Variants in CLN6 observed in about 807,000 individuals in gnomAD.
The protein encoded by CLN6 is ceroid-lipofuscinosis neuronal protein 6.
A neutral mutation model predicts 33.3 loss-of-function variants in CLN6; 22 were observed. That is an observed-to-expected ratio of 0.66 (90% CI 0.47 to 0.94). CLN6 has a LOEUF of 0.94. CLN6 is among the 40% of genes least tolerant of loss of function. The pLI, the probability that CLN6 is intolerant of heterozygous loss-of-function variation, is 0.00. For synonymous variants in CLN6, 201 were observed against 174.6 expected (o/e 1.15, Z -1.19); for missense variants, 387 against 417.1 (o/e 0.93, Z 0.63).
At chr15:68,238,687 G>A (rs1892251132) in intron 1 of CLN6, among the ~76,000 whole-genome samples, 1 of 152,242 alleles carries the variant, frequency 6.6e-6, no homozygotes, top group South Asian at 2.1e-4. Context: ...GAATAAAACC[G>A]AGAGATTTTA....
In CLN6 at chr15:68,207,403, AG is replaced by A. The variant is rs1021792622; in HGVS notation, c.*736del. The A allele has an allele frequency of 6.5e-6, 1 of 153,166 alleles. No individual in the cohort carries two copies. The highest frequency in any genetic ancestry group is 2.4e-5 in the African/African-American group (1 of 41,468). The allele number at this position is 153,166 out of a possible 1,614,324, so 9.5% of individuals were successfully genotyped here. ...GGGTCACCTGCAAAGCTGGAATGCCAGGGGAGTGGGCGGTGCCTCCAGCTCC... is the reference window on the plus strand; with the variant it reads ...GGGTCACCTGCAAAGCTGGAATGCCAGGGAGTGGGCGGTGCCTCCAGCTCC... On this transcript the variant is annotated 3_prime_UTR_variant, in exon 7 of 7. Coordinates refer to ENST00000249806, the MANE Select transcript of CLN6 (RefSeq NM_017882.3).
chr15:68,249,233 T>C (rs1428703644), intron 1 of CLN6, among the ~76,000 whole-genome samples: 1 of 152,144 alleles, frequency 6.6e-6, no homozygotes. Flanking sequence ...GGAATGTAAA[T>C]TACCACAGCT....
In CLN6 at chr15:68,242,093, A is replaced by T. The variant is rs1049099895; in HGVS notation, c.179+14597T>A. Among the ~76,000 whole-genome samples the T allele has an allele frequency of 6.6e-6, 1 of 152,224 alleles. No individual in the cohort carries two copies. The highest frequency in any genetic ancestry group is 1.5e-5 in the Non-Finnish European group (1 of 68,036). On this transcript the variant is annotated intron_variant, in intron 1 of 6. Transcript: ENST00000538696. The surrounding 1 kb of genome is among the most constrained non-coding windows in gnomAD (Gnocchi z 5.0). ...CATGGGCACCCCAAACAGACAAAGC[A>T]TGGAACCAGTGATGGCCCTAAGAAG...
chr15:68,218,677 C>A, intron 1 of CLN6, 27 bp from the exon 2 acceptor site: 2 of 1,528,920 alleles, frequency 1.3e-6, no homozygotes, highest in South Asian at 2.2e-5. Context: ...CGAGAGAAGT[C>A]AGCTCTTCTC....
chr15:68,230,563 G>A (rs534823207), upstream of CLN6, among the ~76,000 whole-genome samples: 1 of 152,286 alleles, frequency 6.6e-6, no homozygotes, highest in South Asian at 2.1e-4. This position sits in a 1 kb window ranked among gnomAD's most constrained non-coding sequence, Gnocchi z 4.0. Context: ...TTCATTAGTG[G>A]TACCACTTTG....
intron 1 of CLN6, among the ~76,000 whole-genome samples, chr15:68,224,618 C>CAAAAAAA (rs57397347): frequency 5.8e-5 from 6 of 104,308 alleles, no homozygotes; most frequent in East Asian, 2.8e-4. Flanking sequence ...GACTCTGTCT[C>CAAAAAAA]AAAAAAAAAA....
intron 1 of CLN6, among the ~76,000 whole-genome samples, chr15:68,224,403 C>T (rs1328508418): frequency 1.3e-5 from 2 of 151,320 alleles, no homozygotes; most frequent in Admixed American, 6.6e-5. Flanking sequence ...GGGCAGATCA[C>T]ATGAGGCCAG....
At chr15:68,255,482 T>C (rs1473419034) in intron 1 of CLN6, among the ~76,000 whole-genome samples, 1 of 152,256 alleles carries the variant, frequency 6.6e-6, no homozygotes, top group Non-Finnish European at 1.5e-5. Flanking sequence ...TGAAACATTG[T>C]TAAACAACAT....
At position 68,218,524 on chromosome 15, in the gene CLN6, T is replaced by C; in HGVS notation, c.198+12A>G. On this transcript the variant is annotated intron_variant, in intron 2 of 6. Transcript: ENST00000249806. ...GTGCTGGTCAGAGCCCTGTGCACCA[T>C]TTCACACTCACCATGGCAATGGGAC... 2 of 1,593,232 alleles carry C rather than the reference T, an allele frequency of 1.3e-6. No homozygotes were observed. The highest frequency in any genetic ancestry group is 1.7e-6 in the Non-Finnish European group (2 of 1,161,070).
chr15:68,208,103 C>CCCCCCCCCCCCCG lies in CLN6; in HGVS notation c.*36_*37insCGGGGGGGGGGGG. On this transcript the variant is annotated 3_prime_UTR_variant, in exon 7 of 7. Transcript: ENST00000249806. This position sits in a 1 kb window ranked among gnomAD's most constrained non-coding sequence, Gnocchi z 5.8. ...TCAGATGCCCTCCATGGCCCACCCT[C>CCCCCCCCCCCCCG]CCACCCAGCAGAGCGCCAGAGCCTG... 2.0e-6 allele frequency: 3 copies of CCCCCCCCCCCCCG among 1,518,184 alleles called. No individual in the cohort carries two copies. Among genetic ancestry groups the CCCCCCCCCCCCCG allele is most frequent in the Non-Finnish European group, 2.7e-6 (3 of 1,109,276 alleles). The allele number at this position is 1,518,184 out of a possible 1,614,324, so 94.0% of individuals were successfully genotyped here.
chr15:68,213,776 T>C (rs1193596531), intron 3 of CLN6: 1 of 167,896 alleles, frequency 6.0e-6, no homozygotes, highest in African/African-American at 2.4e-5. Context: ...ATAGTAGTTT[T>C]AAAGGCCTTA....
At chr15:68,232,240 C>T (rs2093269494), upstream of CLN6, among the ~76,000 whole-genome samples, 2 of 151,480 alleles carry the variant, frequency 1.3e-5, no homozygotes, top group East Asian at 2.0e-4. The surrounding 1 kb of genome is among the most constrained non-coding windows in gnomAD (Gnocchi z 4.7). Flanking sequence ...TTGCTGCAAC[C>T]TCTGCCTCCC....
Position 68,208,927 on chromosome 15 carries a change from T to C in CLN6, c.666-517A>G, listed in dbSNP as rs553919355. On this transcript the variant is annotated intron_variant, in intron 6 of 6. Coordinates refer to ENST00000249806, the MANE Select transcript of CLN6 (RefSeq NM_017882.3). This position sits in a 1 kb window ranked among gnomAD's most constrained non-coding sequence, Gnocchi z 5.8. ...ACAGGCCGGGGAGAGGATCTAGAGCTGGCCCAGGAAAGGAGGCCCTTTTCA... is the reference window on the plus strand; with the variant it reads ...ACAGGCCGGGGAGAGGATCTAGAGCCGGCCCAGGAAAGGAGGCCCTTTTCA... Among the ~76,000 whole-genome samples, 121 of 152,326 alleles carry C rather than the reference T, an allele frequency of 7.9e-4. No homozygotes were observed. Among genetic ancestry groups the C allele is most frequent in the African/African-American group, 2.8e-3 (118 of 41,584 alleles).
rs760890936 is a variant in CLN6, at chr15:68,256,054, G to T, written c.179+636C>A. ...TCCTCCTTCTTCGACCTCCCAAAGTGCTAGAATTACAGGCATGAGTCACCG... is the reference window on the plus strand; with the variant it reads ...TCCTCCTTCTTCGACCTCCCAAAGTTCTAGAATTACAGGCATGAGTCACCG... On this transcript the variant is annotated intron_variant, in intron 1 of 6. Coordinates refer to the CLN6 transcript ENST00000538696. The surrounding 1 kb of genome is among the most constrained non-coding windows in gnomAD (Gnocchi z 4.1). Among the ~76,000 whole-genome samples, 47 of 152,056 alleles carry T rather than the reference G, an allele frequency of 3.1e-4. No individual in the cohort carries two copies. Among genetic ancestry groups the T allele is most frequent in the Non-Finnish European group, 5.9e-4 (40 of 68,010 alleles).
chr15:68,217,703 T>C (rs2093224220), intron 2 of CLN6, among the ~76,000 whole-genome samples: 1 of 152,176 alleles, frequency 6.6e-6, no homozygotes, highest in African/African-American at 2.4e-5. Context: ...ATCTTTTGGC[T>C]CTATGACTGT....
chr15:68,218,799 A>G, intron 1 of CLN6, 149 bp from the exon 2 acceptor site: 2 of 651,202 alleles, frequency 3.1e-6, no homozygotes, highest in Admixed American at 4.2e-5. Flanking sequence ...TGCTGGATAT[A>G]CTGGGGTCTG....
intron 3 of CLN6, chr15:68,212,163 A>G (rs1366197487): frequency 4.7e-6 from 2 of 427,556 alleles, no homozygotes; most frequent in African/African-American, 4.0e-5. Flanking sequence ...GGGACAGCCC[A>G]GCCTTCAGTG....
At chr15:68,213,165 GC>G (rs1202163396) in intron 3 of CLN6, 4 of 151,952 alleles carry the variant, frequency 2.6e-5, no homozygotes, top group African/African-American at 9.7e-5. Flanking sequence ...CAAGTGATCT[GC>G]CTGCCTTGGG....
rs1427083106 is a variant in CLN6 at position 68,247,156 on chromosome 15, G to T, written c.179+9534C>A. 6.6e-6 allele frequency among the ~76,000 whole-genome samples: 1 copy of T among 152,068 alleles called. No homozygotes were observed. The highest frequency in any genetic ancestry group is 1.5e-5 in the Non-Finnish European group (1 of 68,030). On this transcript the variant is annotated intron_variant, in intron 1 of 6. Transcript: ENST00000538696. This position sits in a 1 kb window ranked among gnomAD's most constrained non-coding sequence, Gnocchi z 4.2. ...TATTCAACATAGTATTGGAAGTCCT[G>T]TCCATAGCAATTAGGCAAGAGAAAG...
Sources: allele counts gnomAD v4.1 joint callset (sites outside exome capture counted in the v4.1 genomes callset), GRCh38; gene constraint gnomAD v4.1.1; non-coding constraint Gnocchi (gnomAD v3.1); transcripts MANE v1.5; gene names NCBI Gene and HGNC (gene_info 2026-07-23, HGNC 2026-07-21).